PDE4DIP: variants seen among roughly 807,000 people sequenced by gnomAD.
The protein encoded by PDE4DIP is myomegalin.
Under a neutral mutation model 221.4 loss-of-function variants are expected in PDE4DIP, and 59 were observed. The ratio of observed to expected loss-of-function variants is 0.27; its 90% confidence interval spans 0.22 to 0.33. PDE4DIP has a LOEUF of 0.33. Among genes scored for constraint, PDE4DIP ranks in the 10% least tolerant of loss-of-function variants. The pLI, the probability that PDE4DIP is intolerant of heterozygous loss-of-function variation, is 1.00. For synonymous variants in PDE4DIP, 404 were observed against 815.9 expected (o/e 0.50, Z 8.60); for missense variants, 1,036 against 2,154.2 (o/e 0.48, Z 10.28).
chr1:148,919,730 G>A (rs1201567871), intron 1 of PDE4DIP, among the ~76,000 whole-genome samples: 1 of 151,338 alleles, frequency 6.6e-6, no homozygotes, highest in Non-Finnish European at 1.5e-5. Context: ...TTCACTTTGG[G>A]TGAATAATCA....
intron 5 of PDE4DIP, among the ~76,000 whole-genome samples, chr1:148,960,133 A>C (rs1248376956): frequency 1.3e-5 from 2 of 152,310 alleles, no homozygotes; most frequent in Non-Finnish European, 1.5e-5. Flanking sequence ...CAATTATCAA[A>C]TTTAGAAAAT....
intron 22 of PDE4DIP, among the ~76,000 whole-genome samples, chr1:148,997,865 CA>C (rs1486961502): frequency 6.6e-6 from 1 of 152,424 alleles, no homozygotes; most frequent in East Asian, 1.9e-4. Flanking sequence ...CGTTTGTTTG[CA>C]TTTGTTTTAA....
At chr1:148,946,340 CA>C (rs1244793613) in intron 5 of PDE4DIP, among the ~76,000 whole-genome samples, 1 of 139,512 alleles carries the variant, frequency 7.2e-6, no homozygotes, top group African/African-American at 2.7e-5. Flanking sequence ...GCCTGGCCAA[CA>C]CGGTGAAACC....
intron 14 of PDE4DIP, among the ~76,000 whole-genome samples, chr1:148,970,016 T>C (rs1258276838): frequency 2.3e-4 from 35 of 152,196 alleles, no homozygotes; most frequent in African/African-American, 8.4e-4. Context: ...CATAGTAAAG[T>C]GTTAATTTTT....
chr1:148,976,086 G>A (rs147254118), intron 17 of PDE4DIP, among the ~76,000 whole-genome samples: 6,896 of 149,704 alleles, frequency 0.046, 341 homozygotes, highest in East Asian at 0.39. Flanking sequence ...GATTATTCAT[G>A]TCAGATATTT....
Position 148,912,086 on chromosome 1 carries a change from A to G in PDE4DIP, c.142-17111A>G, listed in dbSNP as rs377643379. Reference sequence around the variant, plus strand: ...AGCCACACGGTAGTTTGTGGACCACACTACCTTTTACTTTTTTTTTTTGAA... The same window carrying G: ...AGCCACACGGTAGTTTGTGGACCACGCTACCTTTTACTTTTTTTTTTTGAA... On this transcript the variant is annotated intron_variant, in intron 1 of 43. Coordinates refer to ENST00000369354, the Ensembl canonical transcript of PDE4DIP. Among the ~76,000 whole-genome samples the G allele has an allele frequency of 3.7e-4, 53 of 144,702 alleles. 1 individual carries two copies. In the East Asian group the frequency reaches 7.2e-3, roughly 20 times the overall value. 94.9% of individuals were successfully genotyped at this position (144,702 alleles called of 152,430 possible). A position where few individuals can be genotyped will look rare whatever the true frequency, so the allele number is the denominator to read the frequency against.
chr1:148,989,063 A>G (rs35859366), intron 21 of PDE4DIP: 11,614 of 216,152 alleles, frequency 0.054, 682 homozygotes, highest in East Asian at 0.44. Flanking sequence ...GGTATCACAC[A>G]AGAGAAGTTC....
chr1:148,939,956 A>T (rs1172023845), intron 5 of PDE4DIP: 1 of 151,668 alleles, frequency 6.6e-6, no homozygotes, highest in Non-Finnish European at 1.5e-5. Flanking sequence ...CTTATTTCAG[A>T]ATTTTATTTC....
intron 20 of PDE4DIP, 70 bp downstream of exon 23, chr1:148,979,919 C>G: frequency 6.5e-7 from 1 of 1,546,414 alleles, no homozygotes; most frequent in Non-Finnish European, 8.8e-7. Context: ...TGTATTTATG[C>G]CTTTTATTCT....
Position 148,929,534 on chromosome 1 carries a change from T to C in PDE4DIP, c.218+261T>C, listed in dbSNP as rs142038271. ...TCCTATCAGTCAGCAATCAACTAAA[T>C]TGAAACAGTGAATGTTTCCACTTTT... On this transcript the variant is annotated intron_variant, in intron 2 of 43. Coordinates refer to ENST00000369354, the Ensembl canonical transcript of PDE4DIP. 5.5e-4 allele frequency: 222 copies of C among 406,428 alleles called. 3 individuals are homozygous for C. In the East Asian group the frequency reaches 9.9e-3, roughly 18 times the overall value. The allele number at this position is 406,428 out of a possible 1,614,324, so 25.2% of individuals were successfully genotyped here. A position where few individuals can be genotyped will look rare whatever the true frequency, so the allele number is the denominator to read the frequency against.
chr1:148,889,072 G>C (rs1231873635), upstream of PDE4DIP, among the ~76,000 whole-genome samples: 3 of 151,688 alleles, frequency 2.0e-5, no homozygotes, highest in African/African-American at 7.3e-5. Context: ...TTAGAAGTGA[G>C]CTCTGGATTA....
chr1:148,970,403 T>C (rs2058981116), intron 14 of PDE4DIP, among the ~76,000 whole-genome samples: 1 of 152,096 alleles, frequency 6.6e-6, no homozygotes, highest in South Asian at 2.1e-4. Context: ...TGGTCTTTAT[T>C]ATACCTCAGA....
rs1387242417 is a variant in PDE4DIP at position 148,952,405 on chromosome 1, C to T, written c.637-8249C>T. 19 of 1,084,482 alleles carry T rather than the reference C, an allele frequency of 1.8e-5. No homozygotes were observed. The African/African-American group carries it at 2.0e-4, about 11-fold the overall frequency. 67.2% of individuals were successfully genotyped at this position (1,084,482 alleles called of 1,614,324 possible). A position where few individuals can be genotyped will look rare whatever the true frequency, so the allele number is the denominator to read the frequency against. On this transcript the variant is annotated intron_variant, in intron 5 of 43. Coordinates refer to ENST00000369354, the Ensembl canonical transcript of PDE4DIP. Reference sequence around the variant, plus strand: ...CCATCCCCGAGGCTTTGCGTCTGCGCGGCCGGCCGCTGCTGCTCCGGGAGC... The same window carrying T: ...CCATCCCCGAGGCTTTGCGTCTGCGTGGCCGGCCGCTGCTGCTCCGGGAGC...
At chr1:148,856,131 TTTAA>T (rs1467693149) in intron 1 of PDE4DIP, among the ~76,000 whole-genome samples, 1 of 85,096 alleles carries the variant, frequency 1.2e-5, no homozygotes, top group African/African-American at 4.1e-5. Flanking sequence ...GTTTTGGGAT[TTTAA>T]TTATTTTGTC....
At position 149,032,090 on chromosome 1, in the gene PDE4DIP, G is replaced by A. The variant is rs587766239; in HGVS notation, c.*105G>A. 4,894 of 1,601,252 alleles carry A rather than the reference G, an allele frequency of 3.1e-3. 17 individuals are homozygous for A. Among genetic ancestry groups the A allele is most frequent in the Non-Finnish European group, 3.8e-3 (4,491 of 1,174,386 alleles). On this transcript the variant is annotated 3_prime_UTR_variant, in exon 44 of 44. Transcript: ENST00000369354. ...TTTTGTGCAGCTACCTATCTGCTGAGGAGCATCTGGGCCTCATTCCTCCAA... is the reference window on the plus strand; with the variant it reads ...TTTTGTGCAGCTACCTATCTGCTGAAGAGCATCTGGGCCTCATTCCTCCAA...
chr1:148,915,527 AG>A (rs1263149113), intron 1 of PDE4DIP: 1 of 397,046 alleles, frequency 2.5e-6, no homozygotes. Flanking sequence ...CCCAAACCCT[AG>A]GCCCAGCCGA....
intron 5 of PDE4DIP, among the ~76,000 whole-genome samples, chr1:148,948,945 C>T (rs1415924887): frequency 1.3e-5 from 2 of 152,112 alleles, no homozygotes; most frequent in Non-Finnish European, 2.9e-5. Flanking sequence ...CAGGGTAGTA[C>T]GGCTGTAGAC....
At chr1:148,929,985 G>T (rs189041261) in intron 2 of PDE4DIP, 1 of 151,550 alleles carries the variant, frequency 6.6e-6, no homozygotes, top group Non-Finnish European at 1.5e-5. Flanking sequence ...TTAAAGTAAG[G>T]GGGAAAAGTT....
chr1:148,930,372 C>G (rs2500367), intron 2 of PDE4DIP: 52,970 of 150,484 alleles, frequency 0.35, 9,941 homozygotes, highest in East Asian at 0.74. Context: ...AAAAAATTAG[C>G]CGGGTGTGGT....
Sources: gnomAD v4.1 joint callset for allele counts (sites outside exome capture counted in the v4.1 genomes callset) on GRCh38, gnomAD v4.1.1 for gene constraint, MANE v1.5 for transcripts, NCBI Gene and HGNC (gene_info 2026-07-23, HGNC 2026-07-21) for gene names.